The following NTM variants were observed in gnomAD, a reference collection of about 807,000 sequenced individuals.
NTM encodes neurotrimin, also known as IgLON family member 2.
In NTM, 13 loss-of-function variants were observed where a neutral mutation model predicts 42.1. The ratio of observed to expected loss-of-function variants is 0.31; its 90% CI spans 0.20 to 0.49. The LOEUF (loss-of-function observed/expected upper bound fraction) is 0.49. Among genes scored for constraint, NTM ranks in the 20% least tolerant of loss-of-function variants. The probability of loss-of-function intolerance (pLI) is 0.99; values close to 1 mark genes in which losing one functional copy is unlikely to be tolerated. For missense variants in NTM, 373 were observed against 452.8 expected, an observed-to-expected ratio of 0.82 and a Z score of 1.60; for synonymous variants, 187 against 179.2, an observed-to-expected ratio of 1.04 and a Z score of -0.35.
rs189882404 is a variant in NTM at position 131,945,561 on chromosome 11, A to G, written c.167+33913A>G. 2.0e-5 allele frequency among the ~76,000 whole-genome samples: 3 copies of G among 152,292 alleles called. No individual in the cohort carries two copies. The East Asian group carries it at 5.8e-4, about 29-fold the overall frequency. ...AAATAGCAAAAAGTGAAATATCCAAACTAACAGGTTAACCAGGTTCAATAT... is the reference window on the plus strand; with the variant it reads ...AAATAGCAAAAAGTGAAATATCCAAGCTAACAGGTTAACCAGGTTCAATAT... On this transcript the variant is annotated intron_variant, in intron 2 of 8. Coordinates refer to ENST00000683400, the MANE Select transcript of NTM (RefSeq NM_001352005.2).
At chr11:132,320,726 CACAG>C (rs1211295300) in intron 7 of NTM, among the ~76,000 whole-genome samples, 6 of 151,986 alleles carry the variant, frequency 3.9e-5, no homozygotes, top group South Asian at 2.1e-4. Context: ...GGGGGCAGGG[CACAG>C]ACAAACAAAA....
chr11:132,005,857 C>T (rs2070644755), intron 2 of NTM, among the ~76,000 whole-genome samples: 1 of 152,192 alleles, frequency 6.6e-6, no homozygotes, highest in African/African-American at 2.4e-5. Flanking sequence ...TCAAATCCCT[C>T]CTGTTTCCCT....
At chr11:131,776,768 G>A (rs1280893615) in intron 1 of NTM, among the ~76,000 whole-genome samples, 1 of 152,106 alleles carries the variant, frequency 6.6e-6, no homozygotes, top group Non-Finnish European at 1.5e-5. Context: ...TCCGCCACAT[G>A]GTGTCACAGG....
chr11:132,159,655 G>A (rs1422684951), intron 3 of NTM, among the ~76,000 whole-genome samples: 2 of 152,150 alleles, frequency 1.3e-5, no homozygotes, highest in African/African-American at 2.4e-5. Context: ...AGTTATCACA[G>A]AATGTTTGTC....
rs547037205 is a variant in NTM, at chr11:131,800,868, A to C, written c.83-110696A>C. Among the ~76,000 whole-genome samples the C allele has an allele frequency of 2.3e-4, 35 of 152,260 alleles. No individual in the cohort carries two copies. In the South Asian group the frequency reaches 7.3e-3, roughly 32 times the overall value. ...CTGTTTATCAAGGAAATGGAGTTGAAATTGTCCCCTTTAATGGAATCACAG... is the reference window on the plus strand; with the variant it reads ...CTGTTTATCAAGGAAATGGAGTTGACATTGTCCCCTTTAATGGAATCACAG... On this transcript the variant is annotated intron_variant, in intron 1 of 8. Transcript: ENST00000683400.
At chr11:131,858,559 G>A (rs551461712) in intron 1 of NTM, among the ~76,000 whole-genome samples, 8 of 152,272 alleles carry the variant, frequency 5.3e-5, no homozygotes, top group African/African-American at 1.7e-4. Context: ...GCACGCTGGT[G>A]GGCTAAGTGA....
chr11:131,957,257 C>A (rs760944412), intron 2 of NTM, among the ~76,000 whole-genome samples: 1 of 152,190 alleles, frequency 6.6e-6, no homozygotes, highest in Non-Finnish European at 1.5e-5. Context: ...AAAGTCTAAC[C>A]AATGTTTGGT....
At chr11:131,820,076 A>G (rs2093121045) in intron 1 of NTM, among the ~76,000 whole-genome samples, 1 of 152,216 alleles carries the variant, frequency 6.6e-6, no homozygotes, top group Non-Finnish European at 1.5e-5. Context: ...TAACTAACAG[A>G]GAATTGCAGG....
At chr11:132,102,410 AGAG>A (rs1414746383) in intron 2 of NTM, among the ~76,000 whole-genome samples, 9 of 152,286 alleles carry the variant, frequency 5.9e-5, no homozygotes, top group Admixed American at 5.2e-4. Context: ...GTGTGCCTGA[AGAG>A]CTGGGGCATA....
At position 132,307,889 on chromosome 11, in the gene NTM, C is replaced by A. The variant is rs1428180810; in HGVS notation, c.661+66C>A. ...GCTGGCCTGTTGTCACAGCCACCAC[C>A]CAGAGCCCATTGGCACAGCCAGCTA... is the stretch of plus-strand genomic sequence containing the variant. On this transcript the variant is annotated intron_variant, in intron 5 of 8. Transcript: ENST00000683400. 3 of 1,517,046 alleles carry A rather than the reference C, an allele frequency of 2.0e-6. No homozygotes were observed. The African/African-American group carries it at 4.1e-5, about 21-fold the overall frequency. The allele number at this position is 1,517,046 out of a possible 1,614,324, so 94.0% of individuals were successfully genotyped here. A position where few individuals can be genotyped will look rare whatever the true frequency, so the allele number is the denominator to read the frequency against.
At chr11:132,207,977 A>G (rs1024195285) in intron 3 of NTM, among the ~76,000 whole-genome samples, 12 of 152,194 alleles carry the variant, frequency 7.9e-5, no homozygotes, top group Admixed American at 6.5e-4. Flanking sequence ...AAAGGATGGT[A>G]TCTTATTTAG....
chr11:132,240,854 C>G (rs1243528308), intron 4 of NTM, among the ~76,000 whole-genome samples: 1 of 152,182 alleles, frequency 6.6e-6, no homozygotes, highest in African/African-American at 2.4e-5. Flanking sequence ...CTGGGGAAAT[C>G]CCAAGTGTTT....
chr11:131,845,213 TG>T (rs1171375320), intron 1 of NTM, among the ~76,000 whole-genome samples: 6 of 152,232 alleles, frequency 3.9e-5, no homozygotes, highest in African/African-American at 1.4e-4. Context: ...TAAAAAACAG[TG>T]ATTTTTTTCC....
intron 4 of NTM, among the ~76,000 whole-genome samples, chr11:132,289,533 CA>C (rs1339906653): frequency 6.6e-6 from 1 of 152,198 alleles, no homozygotes; most frequent in Non-Finnish European, 1.5e-5. Context: ...GCCTAGAAAG[CA>C]GGAGTATTAG....
intron 1 of NTM, among the ~76,000 whole-genome samples, chr11:131,810,442 C>T (rs900289101): frequency 6.6e-6 from 1 of 152,166 alleles, no homozygotes; most frequent in Non-Finnish European, 1.5e-5. Flanking sequence ...CTGCACCCCC[C>T]AATCTGGACA....
chr11:132,019,846 A>G (rs2074046968), intron 2 of NTM, among the ~76,000 whole-genome samples: 1 of 151,006 alleles, frequency 6.6e-6, no homozygotes, highest in African/African-American at 2.4e-5. Context: ...TTTTGTTTCT[A>G]TTTATTTGGT....
intron 1 of NTM, among the ~76,000 whole-genome samples, chr11:131,464,362 G>C (rs547024998): frequency 2.9e-4 from 44 of 152,012 alleles, no homozygotes; most frequent in Non-Finnish European, 5.0e-4. Context: ...GGAAAGCTGG[G>C]GGGGGGGCAG....
At chr11:132,140,935 G>C (rs145367526) in intron 2 of NTM, 1 of 152,200 alleles carries the variant, frequency 6.6e-6, no homozygotes, top group Non-Finnish European at 1.5e-5. Context: ...AAGGGCGAAA[G>C]CACTTATTTT....
intron 4 of NTM, among the ~76,000 whole-genome samples, chr11:132,273,540 G>A (rs755875296): frequency 1.3e-5 from 2 of 151,948 alleles, no homozygotes; most frequent in Non-Finnish European, 2.9e-5. Context: ...ATCCATCTAT[G>A]CCTAAGCTTT....
Sources: gnomAD v4.1 joint callset for allele counts (sites outside exome capture counted in the v4.1 genomes callset) on GRCh38, gnomAD v4.1.1 for gene constraint, MANE v1.5 for transcripts, NCBI Gene and HGNC (gene_info 2026-07-23, HGNC 2026-07-21) for gene names.